FANCL: variants seen among roughly 807,000 people sequenced by gnomAD.
FANCL encodes FA complementation group L.
A neutral mutation model predicts 59.4 loss-of-function variants in FANCL; 69 were observed. That is an observed-to-expected ratio of 1.16 (90% CI 0.96 to 1.42). The LOEUF (loss-of-function observed/expected upper bound fraction) is 1.42, where lower values mean the gene tolerates loss of function less well. Among genes scored for constraint, FANCL ranks in the 40% most tolerant of loss-of-function variants. The probability of loss-of-function intolerance (pLI) is 0.00; values close to 1 mark genes in which losing one functional copy is unlikely to be tolerated. For missense variants in FANCL, 519 were observed against 447.2 expected, an observed-to-expected ratio of 1.16 and a Z score of -1.45; for synonymous variants, 180 against 147.1, an observed-to-expected ratio of 1.22 and a Z score of -1.62.
At chr2:58,185,762 G>A (rs964507970) in intron 7 of FANCL, among the ~76,000 whole-genome samples, 17 of 152,038 alleles carry the variant, frequency 1.1e-4, no homozygotes, top group Admixed American at 1.1e-3. Context: ...TTGAATTATT[G>A]CTTAAGAAGC....
At chr2:58,217,205 TATATATATATACACACACACACACAC>T (rs1691904926) in intron 5 of FANCL, among the ~76,000 whole-genome samples, 1 of 8,924 alleles carries the variant, frequency 1.1e-4, no homozygotes, top group African/African-American at 4.3e-4. Flanking sequence ...TATATATATA[TATATATATATACACACACACACACAC>T]ACACACACAC....
intron 7 of FANCL, among the ~76,000 whole-genome samples, chr2:58,172,073 G>C (rs1260898512): frequency 1.3e-5 from 2 of 152,376 alleles, no homozygotes; most frequent in South Asian, 2.1e-4. Context: ...GCCCAGGCTA[G>C]CTTAGGAAAA....
chr2:58,179,441 A>G (rs979520446), intron 7 of FANCL, among the ~76,000 whole-genome samples: 3 of 152,144 alleles, frequency 2.0e-5, no homozygotes, highest in African/African-American at 4.8e-5. Context: ...CACATCTACA[A>G]CCATCTGATC....
At chr2:58,235,071 T>C (rs1414161083) in intron 1 of FANCL, among the ~76,000 whole-genome samples, 2 of 151,902 alleles carry the variant, frequency 1.3e-5, no homozygotes, top group African/African-American at 4.8e-5. Context: ...AATAAGAGCA[T>C]AATATTCTCC....
At chr2:58,211,540 C>T (rs1386099675) in intron 5 of FANCL, among the ~76,000 whole-genome samples, 1 of 152,194 alleles carries the variant, frequency 6.6e-6, no homozygotes, top group Non-Finnish European at 1.5e-5. Flanking sequence ...ATTTCTGCAG[C>T]TGGCTTGAAT....
intron 7 of FANCL, among the ~76,000 whole-genome samples, chr2:58,195,474 AG>A (rs1395179662): frequency 6.6e-6 from 1 of 152,208 alleles, no homozygotes; most frequent in Non-Finnish European, 1.5e-5. Flanking sequence ...ATACTTAAAT[AG>A]CAAAAATACC....
At chr2:58,216,303 A>T (rs1691714874) in intron 5 of FANCL, among the ~76,000 whole-genome samples, 1 of 152,190 alleles carries the variant, frequency 6.6e-6, no homozygotes, top group South Asian at 2.1e-4. Flanking sequence ...TCCCAGGAAG[A>T]GAAAAGCTAA....
chr2:58,217,680 C>T (rs1453067391), intron 5 of FANCL, among the ~76,000 whole-genome samples: 3 of 151,784 alleles, frequency 2.0e-5, no homozygotes, highest in African/African-American at 7.3e-5. Context: ...AATAACATGA[C>T]TGCAAATAGA....
At chr2:58,224,390 G>T (rs1192342651) in intron 4 of FANCL, among the ~76,000 whole-genome samples, 2 of 151,704 alleles carry the variant, frequency 1.3e-5, no homozygotes, top group African/African-American at 4.8e-5. Flanking sequence ...TTACATTAAG[G>T]CCTTTGATGT....
chr2:58,173,950 A>C (rs1376944449), intron 7 of FANCL, among the ~76,000 whole-genome samples: 3 of 152,104 alleles, frequency 2.0e-5, no homozygotes, highest in Non-Finnish European at 4.4e-5. Flanking sequence ...AGATCTACCA[A>C]GCAAATGGAA....
chr2:58,172,637 A>C (rs1430284551), intron 7 of FANCL, among the ~76,000 whole-genome samples: 1 of 152,248 alleles, frequency 6.6e-6, no homozygotes, highest in East Asian at 1.9e-4. Context: ...ACCCATCTGT[A>C]CATCACCATC....
intron 2 of FANCL, 139 bp from the exon 3 acceptor site, chr2:58,230,013 T>C: frequency 1.5e-6 from 1 of 666,460 alleles, no homozygotes; most frequent in Non-Finnish European, 2.7e-6. Context: ...TTACCACTGA[T>C]ACTGTTCAAA....
At chr2:58,220,950 C>T (rs6725148) in intron 5 of FANCL, among the ~76,000 whole-genome samples, 41,986 of 151,940 alleles carry the variant, frequency 0.28, 8,081 homozygotes, top group African/African-American at 0.55. Context: ...TGGTGGCTCA[C>T]GCCTGTAATC....
chr2:58,173,700 C>G (rs1045870129), intron 7 of FANCL, among the ~76,000 whole-genome samples: 2 of 152,098 alleles, frequency 1.3e-5, no homozygotes, highest in African/African-American at 4.8e-5. Flanking sequence ...TTGTAAAGAC[C>G]ATCGAGGCTA....
chr2:58,199,041 A>C (rs1019875415), intron 6 of FANCL, among the ~76,000 whole-genome samples: 2 of 151,924 alleles, frequency 1.3e-5, no homozygotes, highest in African/African-American at 4.8e-5. Context: ...AAAAAAAAAA[A>C]AAAAGAAAAA....
At position 58,187,503 on chromosome 2, in the gene FANCL, C is replaced by G. The variant is rs960161151; in HGVS notation, c.540+11091G>C. Among the ~76,000 whole-genome samples the G allele has an allele frequency of 4.6e-5, 7 of 151,862 alleles. No homozygotes were observed. The East Asian group carries it at 1.4e-3, about 29-fold the overall frequency. On this transcript the variant is annotated intron_variant, in intron 7 of 13. Transcript: ENST00000233741. ...ATGGGAGCAGCAAACCAACATGGCC[C>G]ATGTATACATATGTAACAAACCTGC...
intron 7 of FANCL, among the ~76,000 whole-genome samples, chr2:58,187,830 A>G (rs182670062): frequency 6.6e-6 from 1 of 152,156 alleles, no homozygotes; most frequent in Non-Finnish European, 1.5e-5. Flanking sequence ...AGTTCTTTAT[A>G]TATTTTAAAC....
chr2:58,230,969 A>G (rs1403268281), intron 2 of FANCL, among the ~76,000 whole-genome samples: 1 of 152,126 alleles, frequency 6.6e-6, no homozygotes, highest in African/African-American at 2.4e-5. Flanking sequence ...CCTCCCACTC[A>G]TCCAACACAA....
intron 2 of FANCL, among the ~76,000 whole-genome samples, chr2:58,231,256 C>G (rs756221790): frequency 6.6e-5 from 10 of 152,172 alleles, no homozygotes; most frequent in Non-Finnish European, 1.5e-4. Context: ...ATCAAGGTCT[C>G]AAATCCTTCA....
Sources: gnomAD v4.1 joint callset for allele counts (sites outside exome capture counted in the v4.1 genomes callset) on GRCh38, gnomAD v4.1.1 for gene constraint, MANE v1.5 for transcripts, NCBI Gene and HGNC (gene_info 2026-07-23, HGNC 2026-07-21) for gene names.